LHFPL3: variants seen among roughly 807,000 people sequenced by gnomAD.
LHFPL3 encodes LHFPL tetraspan subfamily member 3 protein.
In LHFPL3, 5 loss-of-function variants were observed where a neutral mutation model predicts 19.3. The observed-to-expected ratio is 0.26, with a 90% CI of 0.14 to 0.54. The LOEUF is 0.54. LHFPL3 is among the 20% of genes least tolerant of loss of function. The pLI is 0.94. For synonymous variants in LHFPL3, 133 were observed against 126.2 expected (o/e 1.05, Z -0.36); for missense variants, 249 against 307.4 (o/e 0.81, Z 1.42).
intron 1 of LHFPL3, among the ~76,000 whole-genome samples, chr7:104,648,466 A>G (rs1181775254): frequency 6.6e-6 from 1 of 152,206 alleles, no homozygotes; most frequent in East Asian, 1.9e-4. Flanking sequence ...CATTGGTGGC[A>G]TCACAGAATC....
intron 1 of LHFPL3, among the ~76,000 whole-genome samples, chr7:104,424,662 G>C (rs1791802332): frequency 6.6e-6 from 1 of 152,160 alleles, no homozygotes; most frequent in South Asian, 2.1e-4. Context: ...GCTGCTGACT[G>C]CCTGCAATGC....
At chr7:104,371,830 C>A (rs1258257645) in intron 1 of LHFPL3, among the ~76,000 whole-genome samples, 1 of 152,164 alleles carries the variant, frequency 6.6e-6, no homozygotes, top group Non-Finnish European at 1.5e-5. Context: ...GGAATATGCA[C>A]ATAGCATAGG....
At chr7:104,833,402 ATATATATATATATAATAT>A in intron 2 of LHFPL3, among the ~76,000 whole-genome samples, 2 of 6,744 alleles carry the variant, frequency 3.0e-4, no homozygotes, top group East Asian at 5.2e-3. Context: ...TATATATATT[ATATATATATATATAATAT>A]ATATATATAT....
chr7:104,524,457 C>T (rs986984361), intron 1 of LHFPL3, among the ~76,000 whole-genome samples: 11 of 152,160 alleles, frequency 7.2e-5, no homozygotes, highest in Admixed American at 4.6e-4. Flanking sequence ...GTACTAACAT[C>T]AGTGAAACCA....
chr7:104,710,059 G>A (rs545233216), intron 1 of LHFPL3, among the ~76,000 whole-genome samples: 42 of 152,348 alleles, frequency 2.8e-4, no homozygotes, highest in Non-Finnish European at 5.1e-4. Context: ...GCGAGACTCC[G>A]TCTGCAATCC....
chr7:104,342,443 T>C (rs1044785477), intron 1 of LHFPL3, among the ~76,000 whole-genome samples: 9 of 152,076 alleles, frequency 5.9e-5, no homozygotes, highest in African/African-American at 1.9e-4. Context: ...AGTGAAAAAC[T>C]GGGCACCTAA....
intron 2 of LHFPL3, among the ~76,000 whole-genome samples, chr7:104,813,917 C>T (rs759072280): frequency 6.6e-6 from 1 of 152,196 alleles, no homozygotes; most frequent in Non-Finnish European, 1.5e-5. Flanking sequence ...CTTCTCTTCA[C>T]CCGCAACATA....
At chr7:104,615,728 A>C (rs4730027) in intron 1 of LHFPL3, among the ~76,000 whole-genome samples, 28,315 of 142,496 alleles carry the variant, frequency 0.2, 2,949 homozygotes, top group East Asian at 0.45. Context: ...CCCGGTGTCC[A>C]TGTGTTCTCT....
chr7:104,791,843 A>G (rs1790030266), intron 2 of LHFPL3, among the ~76,000 whole-genome samples: 1 of 152,124 alleles, frequency 6.6e-6, no homozygotes, highest in Non-Finnish European at 1.5e-5. Flanking sequence ...TGGCCTGTCA[A>G]ACTAGGACAA....
At chr7:104,332,138 C>T (rs573925322) in intron 1 of LHFPL3, among the ~76,000 whole-genome samples, 15 of 151,106 alleles carry the variant, frequency 9.9e-5, no homozygotes, top group Admixed American at 4.6e-4. Flanking sequence ...TCAAACTATT[C>T]GCTTGTGTAT....
chr7:104,529,086 A>G (rs1794243888), intron 1 of LHFPL3, among the ~76,000 whole-genome samples: 1 of 152,156 alleles, frequency 6.6e-6, no homozygotes, highest in Non-Finnish European at 1.5e-5. Flanking sequence ...GTGGGAGAAG[A>G]GCAGGTGCTT....
At chr7:104,644,485 A>G (rs1270227463) in intron 1 of LHFPL3, among the ~76,000 whole-genome samples, 2 of 152,260 alleles carry the variant, frequency 1.3e-5, no homozygotes, top group Non-Finnish European at 2.9e-5. Flanking sequence ...ATGCATTGGC[A>G]GCATCCATGC....
At chr7:104,860,572 C>A (rs1342715770) in intron 2 of LHFPL3, among the ~76,000 whole-genome samples, 1 of 152,226 alleles carries the variant, frequency 6.6e-6, no homozygotes, top group Non-Finnish European at 1.5e-5. Context: ...CTACCCCCAT[C>A]TTGCAGTCTC....
intron 1 of LHFPL3, among the ~76,000 whole-genome samples, chr7:104,560,731 A>ATGTGT (rs1237883086): frequency 4.8e-4 from 70 of 145,666 alleles, no homozygotes; most frequent in African/African-American, 1.8e-3. Context: ...TAGCTTTTGA[A>ATGTGT]TGTGTTTGCT....
chr7:104,420,764 G>A (rs111558480), intron 1 of LHFPL3, among the ~76,000 whole-genome samples: 69 of 152,060 alleles, frequency 4.5e-4, no homozygotes, highest in African/African-American at 1.5e-3. Flanking sequence ...GGGTTTCACC[G>A]TGTTAGCCAG....
At chr7:104,811,499 C>G (rs11981642) in intron 2 of LHFPL3, among the ~76,000 whole-genome samples, 1,533 of 152,258 alleles carry the variant, frequency 0.01, 23 homozygotes, top group African/African-American at 0.035. Context: ...CCATGACTAG[C>G]TCTAAGTGAG....
chr7:104,745,574 A>T (rs1794027275), intron 2 of LHFPL3, among the ~76,000 whole-genome samples: 1 of 152,098 alleles, frequency 6.6e-6, no homozygotes. Flanking sequence ...ATTATTCAAG[A>T]CTCTTCCTAG....
chr7:104,761,127 G>A (rs1794364733), intron 2 of LHFPL3, among the ~76,000 whole-genome samples: 1 of 152,082 alleles, frequency 6.6e-6, no homozygotes, highest in Admixed American at 6.6e-5. Flanking sequence ...AGAGAGGCAG[G>A]CTGCGTTTTT....
At chr7:104,393,200 C>G (rs188125623) in intron 1 of LHFPL3, among the ~76,000 whole-genome samples, 7 of 152,106 alleles carry the variant, frequency 4.6e-5, no homozygotes, top group Admixed American at 2.0e-4. Flanking sequence ...AATTGGAAAC[C>G]TCATACCTTG....
Sources: gnomAD v4.1 joint callset for allele counts (sites outside exome capture counted in the v4.1 genomes callset) on GRCh38, gnomAD v4.1.1 for gene constraint, MANE v1.5 for transcripts, NCBI Gene and HGNC (gene_info 2026-07-23, HGNC 2026-07-21) for gene names.